Variants in ASIC1 observed in about 807,000 individuals in gnomAD.
ASIC1 encodes acid sensing ion channel subunit 1, also known as acid-sensing ion channel 1.
ASIC1 carries 21 observed loss-of-function variants against 63.4 expected under a neutral mutation model. That is an observed-to-expected ratio of 0.33 (90% confidence interval 0.23 to 0.48). The LOEUF (loss-of-function observed/expected upper bound fraction) is 0.48. Ranked by LOEUF, ASIC1 falls within the 20% of genes least tolerant of loss-of-function variation. The pLI is 0.99. For synonymous variants in ASIC1, 258 were observed against 278.2 expected, an observed-to-expected ratio of 0.93 and a Z score of 0.72; for missense variants, 478 against 695.5, an observed-to-expected ratio of 0.69 and a Z score of 3.52.
chr12:50,075,883 G>T (rs879420142), intron 3 of ASIC1, among the ~76,000 whole-genome samples: 4 of 152,224 alleles, frequency 2.6e-5, no homozygotes, highest in Non-Finnish European at 5.9e-5. Context: ...TCTCTTTGCA[G>T]CTTTTTAATC....
At chr12:50,080,935 G>C (rs560760629) in intron 9 of ASIC1, among the ~76,000 whole-genome samples, 167 bp from the exon 10 acceptor site, 4 of 152,238 alleles carry the variant, frequency 2.6e-5, no homozygotes, top group South Asian at 4.1e-4. Flanking sequence ...ACGCAGAAAA[G>C]CATAGAGAAG....
rs897744078 is a variant in ASIC1, at chr12:50,059,443, G to T, written c.362+315G>T. On this transcript the variant is annotated intron_variant, in intron 2 of 11. Transcript: ENST00000447966. The surrounding 1 kb of genome is among the most constrained non-coding windows in gnomAD (Gnocchi z 4.6). ...TCTGTCTTGACCTTCTCGTCAGTTG[G>T]GGGATGGGGACAGAACATCTTTAAA... Among the ~76,000 whole-genome samples the T allele has an allele frequency of 2.6e-5, 4 of 152,172 alleles. No homozygotes were observed. Among genetic ancestry groups the T allele is most frequent in the African/African-American group, 9.7e-5 (4 of 41,432 alleles).
Position 50,058,735 on chromosome 12 carries a change from C to T in ASIC1, c.-16-16C>T, listed in dbSNP as rs749889279. Reference sequence around the variant, plus strand: ...ATCCCAGGACAATGATAGACTGTCCCTCCCTCCTCCCCCAGGATCCCCTCA... The same window carrying T: ...ATCCCAGGACAATGATAGACTGTCCTTCCCTCCTCCCCCAGGATCCCCTCA... On this transcript the variant is annotated splice_polypyrimidine_tract_variant and intron_variant, in intron 1 of 11. Transcript: ENST00000447966. 1.6e-5 allele frequency: 25 copies of T among 1,551,960 alleles called. No homozygotes were observed. The highest frequency in any genetic ancestry group is 2.0e-5 in the Non-Finnish European group (23 of 1,146,094).
At chr12:50,063,378 C>A (rs1950517928) in intron 3 of ASIC1, among the ~76,000 whole-genome samples, 1 of 152,230 alleles carries the variant, frequency 6.6e-6, no homozygotes, top group African/African-American at 2.4e-5. Context: ...GTCACCCAGT[C>A]TGCCCTATGC....
intron 3 of ASIC1, among the ~76,000 whole-genome samples, chr12:50,063,169 G>T (rs1216981815): frequency 6.6e-6 from 1 of 152,212 alleles, no homozygotes; most frequent in African/African-American, 2.4e-5. Flanking sequence ...CTTGAGGCCA[G>T]CCAGGCCAAG....
In ASIC1 at chr12:50,059,962, C is replaced by T. The variant is rs1950485869; in HGVS notation, c.558+8C>T. The T allele has an allele frequency of 6.2e-7, 1 of 1,613,006 alleles. No individual in the cohort carries two copies. The highest frequency in any genetic ancestry group is 8.5e-7 in the Non-Finnish European group (1 of 1,179,572). ...GCTGAAGACTTCAAGGTGGTGAGTC[C>T]CCTCGTGTGGGGTGTGAGTCAGCCT... On this transcript the variant is annotated splice_region_variant and intron_variant, in intron 3 of 11. Transcript: ENST00000447966. The surrounding 1 kb of genome is among the most constrained non-coding windows in gnomAD (Gnocchi z 4.6).
chr12:50,080,737 G>A, intron 9 of ASIC1, 148 bp downstream of exon 9: 1 of 1,607,032 alleles, frequency 6.2e-7, no homozygotes, highest in Non-Finnish European at 8.5e-7. Context: ...GGTAAGTGGT[G>A]AGGGAAGGGA....
At chr12:50,061,130 G>T (rs1950497035) in intron 3 of ASIC1, among the ~76,000 whole-genome samples, 2 of 152,144 alleles carry the variant, frequency 1.3e-5, no homozygotes, top group African/African-American at 4.8e-5. Context: ...AGGACCCTTT[G>T]CTCTCCATGC....
Position 50,081,685 on chromosome 12 carries a change from G to A in ASIC1, c.*36G>A, listed in dbSNP as rs1334066066. 1.2e-6 allele frequency: 2 copies of A among 1,601,364 alleles called. No individual in the cohort carries two copies. The highest frequency in any genetic ancestry group is 1.7e-6 in the Non-Finnish European group (2 of 1,172,904). The stretch of plus-strand genomic sequence containing the variant: ...CCGCTGAACCAAAGGCCTAGATGGG[G>A]AGGACTAGGAGAGCGAGGGGGCCCC... On this transcript the variant is annotated 3_prime_UTR_variant, in exon 12 of 12. Transcript: ENST00000447966.
chr12:50,068,020 A>G (rs1043995852), intron 3 of ASIC1, among the ~76,000 whole-genome samples: 3 of 152,174 alleles, frequency 2.0e-5, no homozygotes, highest in Non-Finnish European at 2.9e-5. Flanking sequence ...TTCCTAGTCA[A>G]TGCTACCCCA....
Position 50,057,662 on chromosome 12 carries a change from CGCGCACCGCGCCGAGCCCGG to C in ASIC1, c.-268_-249del, listed in dbSNP as rs1950456967. On this transcript the variant is annotated 5_prime_UTR_variant, in exon 1 of 12. Transcript: ENST00000447966. The surrounding 1 kb of genome is among the most constrained non-coding windows in gnomAD (Gnocchi z 4.7). Reference sequence around the variant, plus strand: ...CTGCAGATCCCAGGGCTGAGAGCACCGCGCACCGCGCCGAGCCCGGGCAGACCGAGCCGAGGCGAGCGAGC... The same window carrying C: ...CTGCAGATCCCAGGGCTGAGAGCACCGCAGACCGAGCCGAGGCGAGCGAGC... 6.6e-6 allele frequency: 1 copy of C among 151,820 alleles called. No homozygotes were observed. Among genetic ancestry groups the C allele is most frequent in the Non-Finnish European group, 1.5e-5 (1 of 67,776 alleles). The allele number at this position is 151,820 out of a possible 1,614,324, so 9.4% of individuals were successfully genotyped here.
intron 7 of ASIC1, 150 bp from the exon 8 acceptor site, chr12:50,079,752 G>A: frequency 4.0e-6 from 4 of 994,402 alleles, no homozygotes; most frequent in Non-Finnish European, 4.5e-6. Context: ...TAGGATGTTG[G>A]CAGAGTTTAG....
chr12:50,062,344 T>C (rs1353731609), intron 3 of ASIC1, among the ~76,000 whole-genome samples: 2 of 152,170 alleles, frequency 1.3e-5, no homozygotes, highest in African/African-American at 2.4e-5. Context: ...GTGTTGGGAG[T>C]GTGTCTCTAG....
rs200949254 is a variant in ASIC1, at chr12:50,059,974, G to A, written c.558+20G>A. The A allele has an allele frequency of 1.7e-5, 27 of 1,610,850 alleles. No homozygotes were observed. The African/African-American group carries it at 3.6e-4, about 22-fold the overall frequency. On this transcript the variant is annotated intron_variant, in intron 3 of 11. Transcript: ENST00000447966. The surrounding 1 kb of genome is among the most constrained non-coding windows in gnomAD (Gnocchi z 4.6). The stretch of plus-strand genomic sequence containing the variant: ...AAGGTGGTGAGTCCCCTCGTGTGGG[G>A]TGTGAGTCAGCCTGGCCCACAGAGG...
chr12:50,067,841 G>T (rs1220650352), intron 3 of ASIC1, among the ~76,000 whole-genome samples: 1 of 152,018 alleles, frequency 6.6e-6, no homozygotes, highest in African/African-American at 2.4e-5. Context: ...GCCATTTAGT[G>T]TCATCACTAC....
chr12:50,080,677 C>T (rs1333041737), intron 9 of ASIC1, 88 bp downstream of exon 9: 16 of 1,614,002 alleles, frequency 9.9e-6, no homozygotes, highest in Middle Eastern at 1.6e-4. Context: ...TCACTTCTGT[C>T]CCATGAGGGT....
At chr12:50,064,154 C>T (rs1310676712) in intron 3 of ASIC1, among the ~76,000 whole-genome samples, 1 of 152,064 alleles carries the variant, frequency 6.6e-6, no homozygotes, top group African/African-American at 2.4e-5. Flanking sequence ...AGGAGGGGTT[C>T]ATGGGGTTCA....
Position 50,078,279 on chromosome 12 carries a change from C to A in ASIC1, c.838-142C>A. On this transcript the variant is annotated intron_variant, in intron 5 of 11. Transcript: ENST00000447966. The surrounding 1 kb of genome is among the most constrained non-coding windows in gnomAD (Gnocchi z 6.0). ...ATGAGTGATCGAATGAACAAGAATG[C>A]TCTGTAAACTCTGAGACCTTTGGAG... 1 of 1,499,744 alleles carries A rather than the reference C, an allele frequency of 6.7e-7. No homozygotes were observed. The highest frequency in any genetic ancestry group is 9.0e-7 in the Non-Finnish European group (1 of 1,110,728). The allele number at this position is 1,499,744 out of a possible 1,614,324, so 92.9% of individuals were successfully genotyped here. A position where few individuals can be genotyped will look rare whatever the true frequency, so the allele number is the denominator to read the frequency against.
At chr12:50,060,262 G>C (rs954964922) in intron 3 of ASIC1, among the ~76,000 whole-genome samples, 3 of 152,168 alleles carry the variant, frequency 2.0e-5, no homozygotes, top group African/African-American at 7.2e-5. Flanking sequence ...TTACCTTCTA[G>C]GCCACAGGTG....
Sources: gnomAD v4.1 joint callset for allele counts (sites outside exome capture counted in the v4.1 genomes callset) on GRCh38, gnomAD v4.1.1 for gene constraint, Gnocchi (gnomAD v3.1) non-coding constraint, MANE v1.5 for transcripts, NCBI Gene and HGNC (gene_info 2026-07-23, HGNC 2026-07-21) for gene names.